Variants in SLC10A7 observed in about 807,000 individuals in gnomAD.
SLC10A7 encodes the protein solute carrier family 10 member 7, also known as sodium/bile acid cotransporter 7.
A neutral mutation model predicts 43.2 loss-of-function variants in SLC10A7; 29 were observed. The ratio of observed to expected loss-of-function variants is 0.67; its 90% CI spans 0.50 to 0.92. The LOEUF is 0.92. SLC10A7 is among the 40% of genes least tolerant of loss of function. SLC10A7 has a pLI of 0.00. For synonymous variants in SLC10A7, 152 were observed against 144.8 expected (o/e 1.05, Z -0.35); for missense variants, 295 against 403.2 (o/e 0.73, Z 2.30).
intron 4 of SLC10A7, among the ~76,000 whole-genome samples, chr4:146,484,360 T>A (rs1310057154): frequency 2.0e-5 from 3 of 152,040 alleles, no homozygotes; most frequent in Non-Finnish European, 2.9e-5. Context: ...TCTCTAAAAT[T>A]TTTTTTAAGT....
intron 5 of SLC10A7, among the ~76,000 whole-genome samples, chr4:146,434,623 G>A (rs960862189): frequency 1.3e-5 from 2 of 152,192 alleles, no homozygotes; most frequent in Non-Finnish European, 2.9e-5. Context: ...GAGTGCAGTG[G>A]CACGATCTCT....
rs369995389 is a variant in SLC10A7 at position 146,521,723 on chromosome 4, T to G, written c.-6A>C. The G allele has an allele frequency of 4.0e-5, 65 of 1,611,974 alleles. No homozygotes were observed. The African/African-American group carries it at 7.7e-4, about 19-fold the overall frequency. The stretch of plus-strand genomic sequence containing the variant: ...ATTCTCTCCAGCAGCCTCATATTTG[T>G]TAGGGTGGGTGGGTTTTGTTTATTT... On this transcript the variant is annotated 5_prime_UTR_variant, in exon 1 of 12. The change abolishes the stop of an existing upstream ORF in the 5' untranslated region. Coordinates refer to ENST00000335472, the MANE Select transcript of SLC10A7 (RefSeq NM_001029998.6).
intron 7 of SLC10A7, among the ~76,000 whole-genome samples, chr4:146,297,476 TCTTA>T (rs1730862811): frequency 6.6e-6 from 1 of 152,180 alleles, no homozygotes. Flanking sequence ...ACACCCATCA[TCTTA>T]GTTTTCTTAA....
intron 1 of SLC10A7, among the ~76,000 whole-genome samples, chr4:146,517,631 G>C (rs570970704): frequency 6.6e-6 from 1 of 152,204 alleles, no homozygotes; most frequent in African/African-American, 2.4e-5. Context: ...AAGGACCGTG[G>C]CTGTCTTGCT....
At chr4:146,503,738 T>C (rs1368286927) in intron 4 of SLC10A7, 111 bp downstream of exon 4, 2 of 884,270 alleles carry the variant, frequency 2.3e-6, no homozygotes, top group Non-Finnish European at 3.7e-6. Context: ...CAAGCTGCTA[T>C]GGCTAGGAGT....
chr4:146,460,105 T>C (rs1732404434), intron 4 of SLC10A7, among the ~76,000 whole-genome samples: 12 of 151,848 alleles, frequency 7.9e-5, no homozygotes, highest in Admixed American at 7.9e-4. Flanking sequence ...CTTTAGTTAG[T>C]AGAGAACTAT....
chr4:146,376,525 C>T (rs1737213737), intron 5 of SLC10A7, among the ~76,000 whole-genome samples: 2 of 152,042 alleles, frequency 1.3e-5, no homozygotes, highest in Admixed American at 1.3e-4. Flanking sequence ...AGAGAGGAGG[C>T]ATCTTAACAT....
intron 5 of SLC10A7, among the ~76,000 whole-genome samples, chr4:146,365,772 T>C (rs1051561850): frequency 2.6e-5 from 4 of 152,212 alleles, no homozygotes; most frequent in African/African-American, 9.6e-5. Context: ...TATTTTCTAC[T>C]AGCCAAGAGG....
intron 9 of SLC10A7, among the ~76,000 whole-genome samples, chr4:146,287,507 G>C (rs1578792728): frequency 6.6e-6 from 1 of 152,150 alleles, no homozygotes; most frequent in African/African-American, 2.4e-5. Flanking sequence ...AGTTATGTCA[G>C]AGATTTTACT....
chr4:146,503,120 A>G (rs746322423), intron 4 of SLC10A7, among the ~76,000 whole-genome samples: 20 of 152,226 alleles, frequency 1.3e-4, no homozygotes, highest in Non-Finnish European at 2.4e-4. Context: ...GAAAATGAAA[A>G]TAGATGTTGA....
At chr4:146,520,290 G>A (rs1352990715) in intron 1 of SLC10A7, among the ~76,000 whole-genome samples, 3 of 152,194 alleles carry the variant, frequency 2.0e-5, no homozygotes, top group Admixed American at 6.5e-5. Flanking sequence ...TCATTTGACA[G>A]ACCTGATCTT....
intron 2 of SLC10A7, among the ~76,000 whole-genome samples, chr4:146,516,216 C>T (rs1383722721): frequency 2.0e-5 from 3 of 151,734 alleles, no homozygotes. Context: ...TCTTCAAGAC[C>T]AAATGGGTAT....
chr4:146,437,304 G>A (rs1178227699), intron 5 of SLC10A7, among the ~76,000 whole-genome samples: 1 of 152,006 alleles, frequency 6.6e-6, no homozygotes, highest in Non-Finnish European at 1.5e-5. Context: ...ATGATGGGTT[G>A]CATTGTGCAA....
chr4:146,519,372 TG>T (rs1738407406), intron 1 of SLC10A7, among the ~76,000 whole-genome samples: 1 of 147,724 alleles, frequency 6.8e-6, no homozygotes, highest in African/African-American at 2.5e-5. Flanking sequence ...TGACCTACTA[TG>T]TCTTAGGCAT....
At chr4:146,304,485 T>C (rs895143302) in intron 7 of SLC10A7, among the ~76,000 whole-genome samples, 2 of 152,292 alleles carry the variant, frequency 1.3e-5, no homozygotes, top group South Asian at 4.2e-4. Flanking sequence ...ACATCTTTAT[T>C]TCTGCCTTCA....
chr4:146,329,180 C>A (rs1002326228), intron 5 of SLC10A7, among the ~76,000 whole-genome samples: 2 of 152,144 alleles, frequency 1.3e-5, no homozygotes, highest in Non-Finnish European at 2.9e-5. Context: ...GAAGGATTTG[C>A]TAATTCTGGA....
intron 4 of SLC10A7, among the ~76,000 whole-genome samples, chr4:146,501,473 T>C (rs924366670): frequency 1.3e-5 from 2 of 152,140 alleles, no homozygotes; most frequent in African/African-American, 2.4e-5. Context: ...GTGCCATGTA[T>C]CACTATCAAC....
At chr4:146,484,190 A>G (rs1435187719) in intron 4 of SLC10A7, among the ~76,000 whole-genome samples, 1 of 152,174 alleles carries the variant, frequency 6.6e-6, no homozygotes, top group Non-Finnish European at 1.5e-5. Context: ...TGTCTCTACA[A>G]AAATATTTTC....
intron 4 of SLC10A7, among the ~76,000 whole-genome samples, chr4:146,480,903 G>A (rs192881877): frequency 3.3e-5 from 5 of 152,152 alleles, no homozygotes; most frequent in Admixed American, 1.3e-4. Context: ...ATAGCTAAAG[G>A]AGAGCACCAG....
Sources: allele counts gnomAD v4.1 joint callset (sites outside exome capture counted in the v4.1 genomes callset), GRCh38; gene constraint gnomAD v4.1.1; transcripts MANE v1.5; gene names NCBI Gene and HGNC (gene_info 2026-07-23, HGNC 2026-07-21).